Variants in ROCK1 observed in about 807,000 individuals in gnomAD.
ROCK1 encodes rho-associated protein kinase 1.
Under a neutral mutation model 196.8 loss-of-function variants are expected in ROCK1, and 36 were observed. That is an observed-to-expected ratio of 0.18 (90% CI 0.14 to 0.24). The LOEUF (loss-of-function observed/expected upper bound fraction) is 0.24. ROCK1 is among the 10% of genes least tolerant of loss of function. ROCK1 has a pLI of 1.00. For missense variants in ROCK1, 920 were observed against 1,562.0 expected, an observed-to-expected ratio of 0.59 and a Z score of 6.93; for synonymous variants, 443 against 515.9, an observed-to-expected ratio of 0.86 and a Z score of 1.91.
intron 16 of ROCK1, among the ~76,000 whole-genome samples, chr18:20,997,890 C>A (rs1276110899): frequency 6.7e-6 from 1 of 149,196 alleles, no homozygotes; most frequent in Admixed American, 6.7e-5. Flanking sequence ...GGCTGGAGTA[C>A]AAATGGCGTG....
chr18:21,058,219 C>G (rs959678274), intron 2 of ROCK1, among the ~76,000 whole-genome samples: 2 of 152,022 alleles, frequency 1.3e-5, no homozygotes, highest in African/African-American at 4.8e-5. Context: ...ACAGATTATT[C>G]TGCCACATTT....
At chr18:21,026,939 CTTTTTTTTTT>C (rs1208782541) in intron 10 of ROCK1, among the ~76,000 whole-genome samples, 6 of 136,288 alleles carry the variant, frequency 4.4e-5, no homozygotes, top group African/African-American at 1.1e-4. Context: ...CTTTTTCTTT[CTTTTTTTTTT>C]TTTTTTTGAG....
At chr18:20,990,348 T>G (rs1323110080) in intron 18 of ROCK1, among the ~76,000 whole-genome samples, 4 of 151,850 alleles carry the variant, frequency 2.6e-5, no homozygotes, top group African/African-American at 7.3e-5. Flanking sequence ...AAAAGACAGA[T>G]TCCACTAACT....
chr18:21,087,747 C>A (rs1429770910), intron 1 of ROCK1, among the ~76,000 whole-genome samples: 4 of 152,182 alleles, frequency 2.6e-5, no homozygotes, highest in African/African-American at 9.7e-5. Context: ...GAATACTTCT[C>A]TCTTAAAAAT....
At position 20,960,175 on chromosome 18, in the gene ROCK1, T is replaced by C; in HGVS notation, c.3384A>G (p.Pro1128=). ...ESRIEGWLSV[P]NRGNIKRYGW... is the part of the protein sequence containing the mutation. ...CATATCGTTTGATATTTCCTCTATT[T>C]GGTACTGAAAGCCAACCTTCAATTC... The change falls in exon 28 of 33, where the codon CCA becomes CCG. Residue 1128 remains proline (P), a synonymous_variant. Coordinates refer to ENST00000399799, the MANE Select transcript of ROCK1 (RefSeq NM_005406.3). 1 of 1,601,228 alleles carries C rather than the reference T, an allele frequency of 6.2e-7. No homozygotes were observed. Among genetic ancestry groups the C allele is most frequent in the Non-Finnish European group, 8.6e-7 (1 of 1,168,332 alleles).
At chr18:20,988,121 A>G (rs2035592776) in intron 18 of ROCK1, among the ~76,000 whole-genome samples, 1 of 151,954 alleles carries the variant, frequency 6.6e-6, no homozygotes, top group Admixed American at 6.6e-5. Flanking sequence ...GATGGAATAC[A>G]GTGGTGCAAT....
At position 21,044,545 on chromosome 18, in the gene ROCK1, T is replaced by G. The variant is rs2036138720; in HGVS notation, c.591-359A>C. Among the ~76,000 whole-genome samples the G allele has an allele frequency of 3.3e-5, 5 of 152,290 alleles. No individual in the cohort carries two copies. In the South Asian group the frequency reaches 1.0e-3, roughly 32 times the overall value. ...ACCCCACGGCAGGGTCTAAGTCACT[T>G]TCATTTTTGATCCCTGACATGTAGG... On this transcript the variant is annotated intron_variant, in intron 5 of 32. Coordinates refer to ENST00000399799, the MANE Select transcript of ROCK1 (RefSeq NM_005406.3).
chr18:21,090,945 C>T, intron 1 of ROCK1, among the ~76,000 whole-genome samples: 1 of 152,012 alleles, frequency 6.6e-6, no homozygotes, highest in South Asian at 2.1e-4. Flanking sequence ...CTCATAGGAA[C>T]AGTAAATTTT....
intron 16 of ROCK1, among the ~76,000 whole-genome samples, chr18:20,999,289 C>A (rs1206913029): frequency 6.6e-6 from 1 of 150,702 alleles, no homozygotes; most frequent in Non-Finnish European, 1.5e-5. Context: ...TTGAGTCCCA[C>A]CAAGAACATA....
intron 12 of ROCK1, among the ~76,000 whole-genome samples, chr18:21,018,886 TA>T (rs2035888217): frequency 6.6e-6 from 1 of 152,160 alleles, no homozygotes; most frequent in Admixed American, 6.5e-5. Context: ...TAAATAATTA[TA>T]AAAAATTATT....
At chr18:21,107,700 C>A (rs1308755164) in intron 1 of ROCK1, among the ~76,000 whole-genome samples, 1 of 152,114 alleles carries the variant, frequency 6.6e-6, no homozygotes, top group African/African-American at 2.4e-5. Flanking sequence ...AAACATCATG[C>A]GAAGAAAATT....
chr18:20,991,547 T>G (rs1156785333), intron 17 of ROCK1, among the ~76,000 whole-genome samples: 3 of 152,236 alleles, frequency 2.0e-5, no homozygotes, highest in Non-Finnish European at 4.4e-5. Flanking sequence ...CTGGTGGTTA[T>G]GTTCAGGACA....
intron 22 of ROCK1, among the ~76,000 whole-genome samples, chr18:20,978,673 C>A (rs1005358014): frequency 1.3e-5 from 2 of 152,138 alleles, no homozygotes; most frequent in Non-Finnish European, 2.9e-5. Context: ...TACAGAAATG[C>A]AATCAATAAA....
chr18:20,993,426 C>G (rs920573850), intron 16 of ROCK1, among the ~76,000 whole-genome samples: 2 of 152,140 alleles, frequency 1.3e-5, no homozygotes, highest in Admixed American at 6.5e-5. Flanking sequence ...TGGTCTCAAT[C>G]CCCTGACCTC....
chr18:20,972,736 G>A (rs1598513344), intron 22 of ROCK1, among the ~76,000 whole-genome samples: 1 of 152,332 alleles, frequency 6.6e-6, no homozygotes, highest in South Asian at 2.1e-4. Context: ...CTTGAGAAGA[G>A]TTGTTCTGTT....
chr18:21,076,994 T>C (rs1290481223), intron 1 of ROCK1, among the ~76,000 whole-genome samples: 1 of 118,470 alleles, frequency 8.4e-6, no homozygotes, highest in Admixed American at 1.1e-4. Flanking sequence ...TGAGACGGAG[T>C]CTCGCTCTGT....
At chr18:20,959,976 G>C in intron 28 of ROCK1, 48 bp from the exon 29 acceptor site, 1 of 1,226,208 alleles carries the variant, frequency 8.2e-7, no homozygotes, top group East Asian at 2.4e-5. Context: ...ACATTAACTT[G>C]GTTTAAAGTG....
chr18:20,969,529 G>A (rs1337237978), intron 23 of ROCK1, among the ~76,000 whole-genome samples: 3 of 152,216 alleles, frequency 2.0e-5, no homozygotes, highest in South Asian at 2.1e-4. Flanking sequence ...ATGTGACCCC[G>A]AGCAAGTCAT....
intron 2 of ROCK1, among the ~76,000 whole-genome samples, chr18:21,067,659 T>C (rs751901681): frequency 2.0e-5 from 3 of 152,208 alleles, no homozygotes; most frequent in Non-Finnish European, 2.9e-5. Context: ...AGTGCTGGGA[T>C]TACAGGCGTG....
Sources: gnomAD v4.1 joint callset for allele counts (sites outside exome capture counted in the v4.1 genomes callset) on GRCh38, gnomAD v4.1.1 for gene constraint, MANE v1.5 for transcripts, NCBI Gene and HGNC (gene_info 2026-07-23, HGNC 2026-07-21) for gene names.